AKT3: variants seen among roughly 807,000 people sequenced by gnomAD.
AKT3 encodes RAC-gamma serine/threonine-protein kinase.
A neutral mutation model predicts 65.3 loss-of-function variants in AKT3; 15 were observed. That is an observed-to-expected ratio of 0.23 (90% CI 0.15 to 0.35). The LOEUF is 0.35. Among genes scored for constraint, AKT3 ranks in the 10% least tolerant of loss-of-function variants. AKT3 has a pLI of 1.00. For missense variants in AKT3, 243 were observed against 576.5 expected (o/e 0.42, Z 5.92); for synonymous variants, 206 against 183.8 (o/e 1.12, Z -0.98).
intron 4 of AKT3, among the ~76,000 whole-genome samples, chr1:243,661,003 A>T (rs1241579623): frequency 7.2e-5 from 11 of 152,232 alleles, no homozygotes; most frequent in Admixed American, 6.5e-4. Flanking sequence ...CTTACAAGGG[A>T]TGTGAAGGAC....
intron 8 of AKT3, among the ~76,000 whole-genome samples, chr1:243,580,148 A>C (rs750627813): frequency 6.6e-6 from 1 of 152,202 alleles, no homozygotes; most frequent in Non-Finnish European, 1.5e-5. Flanking sequence ...CAAGAAGGAA[A>C]ACAGGAATCT....
downstream of AKT3, among the ~76,000 whole-genome samples, chr1:243,495,846 G>A (rs904123515): frequency 2.6e-5 from 4 of 152,152 alleles, no homozygotes; most frequent in East Asian, 1.9e-4. Flanking sequence ...GCTTAATTCC[G>A]TAGATATCAA....
intron 12 of AKT3, among the ~76,000 whole-genome samples, chr1:243,521,415 G>A (rs1670711492): frequency 1.3e-5 from 2 of 152,142 alleles, no homozygotes; most frequent in Admixed American, 6.5e-5. Flanking sequence ...CTGGCTTCAC[G>A]CTTTGTGTAT....
intron 2 of AKT3, among the ~76,000 whole-genome samples, chr1:243,783,755 A>T (rs1691063724): frequency 1.3e-5 from 2 of 152,216 alleles, no homozygotes; most frequent in South Asian, 4.1e-4. Flanking sequence ...TGAATGGTAA[A>T]TAATAACTTA....
chr1:243,821,666 A>G (rs1473226700), intron 2 of AKT3, among the ~76,000 whole-genome samples: 1 of 152,238 alleles, frequency 6.6e-6, no homozygotes, highest in African/African-American at 2.4e-5. Flanking sequence ...TTAAACCAAC[A>G]AAGATCAAAA....
chr1:243,631,113 T>G (rs1410100398), intron 6 of AKT3, among the ~76,000 whole-genome samples: 1 of 152,182 alleles, frequency 6.6e-6, no homozygotes, highest in African/African-American at 2.4e-5. Flanking sequence ...TATACTGTAG[T>G]CTATTAAGTG....
chr1:243,667,284 T>C (rs2147929889), intron 3 of AKT3, among the ~76,000 whole-genome samples: 1 of 152,304 alleles, frequency 6.6e-6, no homozygotes, highest in African/African-American at 2.4e-5. Flanking sequence ...AGTGACTATG[T>C]AAGTTAAAGA....
At chr1:243,664,369 TG>T (rs1331808647) in intron 4 of AKT3, among the ~76,000 whole-genome samples, 1 of 151,060 alleles carries the variant, frequency 6.6e-6, no homozygotes, top group Non-Finnish European at 1.5e-5. Context: ...GCTGATTTTT[TG>T]TGTGTGTGTT....
At chr1:243,537,285 T>G (rs1282532883) in intron 12 of AKT3, among the ~76,000 whole-genome samples, 1 of 152,090 alleles carries the variant, frequency 6.6e-6, no homozygotes, top group East Asian at 1.9e-4. Flanking sequence ...AGCCCTCTCC[T>G]CCTTAATCAT....
intron 8 of AKT3, among the ~76,000 whole-genome samples, chr1:243,574,171 T>G (rs765781617): frequency 2.6e-4 from 40 of 152,148 alleles, no homozygotes; most frequent in Non-Finnish European, 4.4e-4. Context: ...TATGGTTAAC[T>G]AAGATTTGTT....
At chr1:243,735,470 G>A (rs1437370491) in intron 2 of AKT3, 2 of 152,136 alleles carry the variant, frequency 1.3e-5, no homozygotes, top group African/African-American at 4.8e-5. Flanking sequence ...TATCATCTAA[G>A]TATGATATTT....
intron 2 of AKT3, among the ~76,000 whole-genome samples, chr1:243,828,478 C>T (rs1221468136): frequency 6.6e-6 from 1 of 152,090 alleles, no homozygotes; most frequent in Non-Finnish European, 1.5e-5. Context: ...TGAATGACTC[C>T]ACTTGTACCT....
At chr1:243,696,021 G>A (rs1025120339) in intron 2 of AKT3, among the ~76,000 whole-genome samples, 5 of 151,794 alleles carry the variant, frequency 3.3e-5, no homozygotes, top group African/African-American at 1.2e-4. Flanking sequence ...ATGGTTGTTA[G>A]AGCATATTTT....
chr1:243,520,663 A>G (rs1419370197), intron 12 of AKT3, among the ~76,000 whole-genome samples: 1 of 152,226 alleles, frequency 6.6e-6, no homozygotes, highest in Admixed American at 6.5e-5. Flanking sequence ...AAATGCACTA[A>G]ACTTGAAACA....
intron 3 of AKT3, among the ~76,000 whole-genome samples, chr1:243,673,053 T>C (rs1176292011): frequency 1.3e-5 from 2 of 152,228 alleles, no homozygotes; most frequent in Non-Finnish European, 2.9e-5. Context: ...TTTTTTGGCT[T>C]TGATTTTGGT....
At chr1:243,702,053 A>T (rs958580077) in intron 2 of AKT3, among the ~76,000 whole-genome samples, 2 of 151,936 alleles carry the variant, frequency 1.3e-5, no homozygotes. Flanking sequence ...TAATGAAAAA[A>T]TAACCTCTTT....
At chr1:243,804,609 G>T (rs929835785) in intron 2 of AKT3, among the ~76,000 whole-genome samples, 1 of 152,138 alleles carries the variant, frequency 6.6e-6, no homozygotes, top group Non-Finnish European at 1.5e-5. Flanking sequence ...CACTTTGGGA[G>T]GCCGAGGCGG....
At chr1:243,530,509 G>A (rs1671452060) in intron 12 of AKT3, among the ~76,000 whole-genome samples, 1 of 152,160 alleles carries the variant, frequency 6.6e-6, no homozygotes, top group African/African-American at 2.4e-5. Context: ...GAATCTCTGG[G>A]ACACAGCTAA....
intron 5 of AKT3, among the ~76,000 whole-genome samples, chr1:243,641,001 G>A (rs1680341931): frequency 1.3e-5 from 2 of 152,034 alleles, no homozygotes; most frequent in African/African-American, 4.8e-5. Flanking sequence ...AGCCGGGTGG[G>A]CACCATCTAA....
Sources: gnomAD v4.1 joint callset for allele counts (sites outside exome capture counted in the v4.1 genomes callset) on GRCh38, gnomAD v4.1.1 for gene constraint, MANE v1.5 for transcripts, NCBI Gene and HGNC (gene_info 2026-07-23, HGNC 2026-07-21) for gene names.